The following DENND1A variants were observed in gnomAD, a reference collection of about 807,000 sequenced individuals.
DENND1A encodes the protein DENN domain-containing protein 1A.
A neutral mutation model predicts 113.7 loss-of-function variants in DENND1A; 51 were observed. That is an observed-to-expected ratio of 0.45 (90% CI 0.36 to 0.57). DENND1A has a LOEUF of 0.57. Among genes scored for constraint, DENND1A ranks in the 20% least tolerant of loss-of-function variants. The pLI, the probability that DENND1A is intolerant of heterozygous loss-of-function variation, is 0.00. For missense variants in DENND1A, 1,258 were observed against 1,395.9 expected (o/e 0.90, Z 1.57); for synonymous variants, 565 against 570.8 (o/e 0.99, Z 0.14).
chr9:123,633,812 A>G (rs1052821310), intron 9 of DENND1A, among the ~76,000 whole-genome samples: 7 of 152,196 alleles, frequency 4.6e-5, no homozygotes, highest in Non-Finnish European at 8.8e-5. Flanking sequence ...GTCTAAAACA[A>G]AAACAGCAAG....
rs1483469356 is a variant in DENND1A, at chr9:123,402,043, C to T, written c.1631+1359G>A. 3.1e-6 allele frequency: 4 copies of T among 1,282,264 alleles called. No homozygotes were observed. In the East Asian group the frequency reaches 9.8e-5, roughly 31 times the overall value. The allele number at this position is 1,282,264 out of a possible 1,614,324, so 79.4% of individuals were successfully genotyped here. ...GACTTCAAAGAAATGTGACAAATTT[C>T]ATCCCCTTAAGGAGGAATCTTTAGT... is the stretch of plus-strand genomic sequence containing the variant. On this transcript the variant is annotated intron_variant, in intron 21 of 23. Transcript: ENST00000394215.
chr9:123,744,968 G>T (rs1371738025), intron 5 of DENND1A, among the ~76,000 whole-genome samples: 1 of 151,958 alleles, frequency 6.6e-6, no homozygotes. Flanking sequence ...GAGAGACAGG[G>T]TTTCACCATG....
chr9:123,392,073 G>T (rs1001767351), intron 21 of DENND1A, among the ~76,000 whole-genome samples: 1 of 152,178 alleles, frequency 6.6e-6, no homozygotes, highest in African/African-American at 2.4e-5. Context: ...TTAACGTGTC[G>T]CCGGTTAGCG....
intron 2 of DENND1A, among the ~76,000 whole-genome samples, chr9:123,796,912 G>A (rs1022835281): frequency 5.9e-5 from 9 of 151,972 alleles, no homozygotes; most frequent in East Asian, 3.9e-4. Context: ...TACAAAACAC[G>A]TTAACAACTG....
intron 3 of DENND1A, among the ~76,000 whole-genome samples, chr9:123,770,804 C>A (rs1829611692): frequency 6.6e-6 from 1 of 152,144 alleles, no homozygotes; most frequent in Non-Finnish European, 1.5e-5. Flanking sequence ...CTTTTCTAAC[C>A]AATAATAATG....
At chr9:123,873,257 G>C (rs933822617) in intron 2 of DENND1A, among the ~76,000 whole-genome samples, 1 of 152,186 alleles carries the variant, frequency 6.6e-6, no homozygotes, top group East Asian at 1.9e-4. Context: ...AAAATATGGA[G>C]TTCAGCTTGT....
intron 1 of DENND1A, among the ~76,000 whole-genome samples, chr9:123,900,471 G>A (rs1027589882): frequency 6.6e-6 from 1 of 152,216 alleles, no homozygotes; most frequent in Non-Finnish European, 1.5e-5. Flanking sequence ...AGTGCGGCAG[G>A]AGGGTAAAGG....
In DENND1A at chr9:123,699,688, C is replaced by CTTTTT. The variant is rs34215948; in HGVS notation, c.303-22904_303-22900dup. On this transcript the variant is annotated intron_variant, in intron 5 of 23. Transcript: ENST00000394215. The stretch of plus-strand genomic sequence containing the variant: ...TAGACTACCCTTTCATTCTTTCTTT[C>CTTTTT]TTTTTTTTTTTTTTTTTTTTTTTAT... Among the ~76,000 whole-genome samples, 488 of 112,384 alleles carry CTTTTT rather than the reference C, an allele frequency of 4.3e-3. 1 individual carries two copies. The highest frequency in any genetic ancestry group is 7.3e-3 in the African/African-American group (190 of 25,900). The allele number at this position is 112,384 out of a possible 152,430, so 73.7% of individuals were successfully genotyped here.
rs118056411 is a variant in DENND1A, at chr9:123,546,624, T to C, written c.993+10946A>G. ...TATGACCACCAGCCTTTCTGATGTA[T>C]AGCATGGGGAAACAGGTATCAGTCA... On this transcript the variant is annotated intron_variant, in intron 13 of 23. Transcript: ENST00000394215. Among the ~76,000 whole-genome samples, 940 of 152,246 alleles carry C rather than the reference T, an allele frequency of 6.2e-3. 3 individuals carry two copies. Among genetic ancestry groups the C allele is most frequent in the Non-Finnish European group, 9.7e-3 (658 of 67,998 alleles).
At chr9:123,651,857 T>TA (rs11315081) in intron 9 of DENND1A, among the ~76,000 whole-genome samples, 156 bp downstream of exon 9, 23 of 149,732 alleles carry the variant, frequency 1.5e-4, no homozygotes, top group Non-Finnish European at 2.4e-4. Flanking sequence ...ATTGGCACTG[T>TA]AAAAAAAAAA....
At chr9:123,872,281 T>C (rs1273627824) in intron 2 of DENND1A, among the ~76,000 whole-genome samples, 1 of 152,198 alleles carries the variant, frequency 6.6e-6, no homozygotes, top group Non-Finnish European at 1.5e-5. Flanking sequence ...ACAAGCATTA[T>C]ACACAAAGAT....
chr9:123,472,090 C>T (rs2049472810), intron 13 of DENND1A, among the ~76,000 whole-genome samples: 1 of 152,178 alleles, frequency 6.6e-6, no homozygotes, highest in African/African-American at 2.4e-5. Flanking sequence ...GCTGCCCGTA[C>T]TTTGGAGCAC....
intron 1 of DENND1A, among the ~76,000 whole-genome samples, chr9:123,879,869 C>T (rs1848066937): frequency 6.6e-6 from 1 of 152,236 alleles, no homozygotes; most frequent in Non-Finnish European, 1.5e-5. Context: ...ACGTAAGACA[C>T]TGTTCCCACA....
intron 5 of DENND1A, among the ~76,000 whole-genome samples, chr9:123,699,677 ATTCT>A (rs1325315182): frequency 1.5e-5 from 2 of 130,332 alleles, no homozygotes; most frequent in East Asian, 4.3e-4. Flanking sequence ...CTACCCTTTC[ATTCT>A]TTCTTTCTTT....
chr9:123,464,004 A>G (rs1009442976), intron 13 of DENND1A, among the ~76,000 whole-genome samples: 39 of 152,166 alleles, frequency 2.6e-4, no homozygotes, highest in African/African-American at 9.2e-4. Flanking sequence ...TGATAGGTAT[A>G]GCAAACCACC....
intron 13 of DENND1A, among the ~76,000 whole-genome samples, chr9:123,552,020 A>AGAGAGAGCGAGAGAGAGCGAGAGC (rs2057094044): frequency 8.0e-6 from 1 of 125,368 alleles, no homozygotes; most frequent in African/African-American, 3.9e-5. Flanking sequence ...AGCGAGAGCG[A>AGAGAGAGCGAGAGAGAGCGAGAGC]GAGAGAGAGA....
intron 5 of DENND1A, among the ~76,000 whole-genome samples, chr9:123,735,360 T>C (rs2068485464): frequency 6.6e-6 from 1 of 152,158 alleles, no homozygotes; most frequent in South Asian, 2.1e-4. Context: ...ATGTCAAAGA[T>C]GACAAAAATA....
chr9:123,397,307 A>G (rs1205033977), intron 21 of DENND1A, among the ~76,000 whole-genome samples: 2 of 152,220 alleles, frequency 1.3e-5, no homozygotes, highest in Non-Finnish European at 1.5e-5. Context: ...AGTGTGTGCA[A>G]CCAAGACCGG....
Position 123,422,978 on chromosome 9 carries a change from G to A in DENND1A, c.1489-11149C>T, listed in dbSNP as rs893157368. Among the ~76,000 whole-genome samples the A allele has an allele frequency of 6.6e-6, 1 of 152,158 alleles. No homozygotes were observed. On this transcript the variant is annotated intron_variant, in intron 19 of 23. Transcript: ENST00000394215. The surrounding 1 kb of genome is among the most constrained non-coding windows in gnomAD (Gnocchi z 4.8). ...AGACCAACTGCTGGAAAATCTCACT[G>A]TCAAATCCTCAAGGACATTGTCAGC...
Sources: gnomAD v4.1 joint callset for allele counts (sites outside exome capture counted in the v4.1 genomes callset) on GRCh38, gnomAD v4.1.1 for gene constraint, Gnocchi (gnomAD v3.1) non-coding constraint, MANE v1.5 for transcripts, NCBI Gene and HGNC (gene_info 2026-07-23, HGNC 2026-07-21) for gene names.